Variants in SAG observed in about 807,000 individuals in gnomAD.
The protein encoded by SAG is S-antigen visual arrestin.
A neutral mutation model predicts 55.0 loss-of-function variants in SAG; 45 were observed. That is an observed-to-expected ratio of 0.82 (90% CI 0.64 to 1.05). SAG has a LOEUF of 1.05. Among genes scored for constraint, SAG ranks in the 50% least tolerant of loss-of-function variants. The pLI, the probability that SAG is intolerant of heterozygous loss-of-function variation, is 0.00. For synonymous variants in SAG, 189 were observed against 197.4 expected, an observed-to-expected ratio of 0.96 and a Z score of 0.36; for missense variants, 455 against 512.1, an observed-to-expected ratio of 0.89 and a Z score of 1.08.
chr2:233,343,802 G>C (rs949822175), intron 14 of SAG: 2 of 1,000,514 alleles, frequency 2.0e-6, no homozygotes, highest in Non-Finnish European at 2.4e-6. Context: ...AAACAAGCAG[G>C]GTTTATTTTT....
Position 233,340,673 on chromosome 2 carries a change from G to T in SAG, c.1046+195G>T, listed in dbSNP as rs577402331. On this transcript the variant is annotated intron_variant, in intron 13 of 15. Transcript: ENST00000409110. This position sits in a 1 kb window ranked among gnomAD's most constrained non-coding sequence, Gnocchi z 4.2. ...GTTTCTTTGGGACCAGATTTCTTTGGGACCACAGCTAGACCTATGCCTGGG... is the reference window on the plus strand; with the variant it reads ...GTTTCTTTGGGACCAGATTTCTTTGTGACCACAGCTAGACCTATGCCTGGG... Among the ~76,000 whole-genome samples the T allele has an allele frequency of 3.7e-4, 56 of 152,100 alleles. No individual in the cohort carries two copies. Among genetic ancestry groups the T allele is most frequent in the African/African-American group, 1.3e-3 (55 of 41,474 alleles).
chr2:233,315,174 C>T (rs567572207), intron 2 of SAG, among the ~76,000 whole-genome samples: 8 of 152,190 alleles, frequency 5.3e-5, no homozygotes, highest in African/African-American at 1.9e-4. Context: ...CCCCTTCCCA[C>T]CCAGCTCCCT....
intron 6 of SAG, among the ~76,000 whole-genome samples, chr2:233,326,731 TGA>T (rs1700570615): frequency 6.6e-6 from 1 of 152,154 alleles, no homozygotes; most frequent in African/African-American, 2.4e-5. Context: ...GCTGGCCCTG[TGA>T]GTGCCTGTAC....
intron 2 of SAG, among the ~76,000 whole-genome samples, chr2:233,313,819 CT>C (rs555339562): frequency 6.7e-6 from 1 of 148,670 alleles, no homozygotes; most frequent in South Asian, 2.1e-4. Context: ...TCCTTCCCAC[CT>C]TGGTCTCTCA....
intron 2 of SAG, among the ~76,000 whole-genome samples, chr2:233,312,973 G>A (rs1438681109): frequency 1.3e-5 from 2 of 152,186 alleles, no homozygotes; most frequent in South Asian, 2.1e-4. Flanking sequence ...TGTCTTCTTC[G>A]GTTTTTATTT....
intron 13 of SAG, among the ~76,000 whole-genome samples, chr2:233,341,997 AT>A (rs1701118709): frequency 6.6e-6 from 1 of 151,882 alleles, no homozygotes; most frequent in East Asian, 1.9e-4. Context: ...GGTGGCATGC[AT>A]TTGTAGTCCC....
At chr2:233,314,397 C>T (rs557370416) in intron 2 of SAG, among the ~76,000 whole-genome samples, 3 of 152,140 alleles carry the variant, frequency 2.0e-5, no homozygotes, top group South Asian at 2.1e-4. Flanking sequence ...CTGTGCCAGC[C>T]GCAGGCCCAG....
chr2:233,316,053 C>G, intron 2 of SAG, 22 bp from the exon 3 acceptor site: 1 of 1,516,930 alleles, frequency 6.6e-7, no homozygotes, highest in Non-Finnish European at 9.1e-7. Flanking sequence ...GGCCCTTAGA[C>G]CCACACCTGT....
intron 14 of SAG, chr2:233,344,519 G>C (rs1226219920): frequency 6.6e-6 from 1 of 152,114 alleles, no homozygotes; most frequent in Non-Finnish European, 1.5e-5. Context: ...TCACGTTCCA[G>C]TCATTATGGC....
chr2:233,342,686 G>A (rs1025314968), intron 14 of SAG: 3 of 205,462 alleles, frequency 1.5e-5, no homozygotes, highest in Admixed American at 1.1e-4. Flanking sequence ...TAGAGCACGA[G>A]GATTTTGCAT....
chr2:233,328,708 G>T, intron 8 of SAG, 95 bp downstream of exon 8: 1 of 1,342,590 alleles, frequency 7.4e-7, no homozygotes, highest in Non-Finnish European at 1.0e-6. Context: ...TAACTACATG[G>T]GTGCCTTGCA....
At chr2:233,323,857 C>T (rs1185518657) in intron 6 of SAG, among the ~76,000 whole-genome samples, 2 of 152,080 alleles carry the variant, frequency 1.3e-5, no homozygotes, top group Non-Finnish European at 2.9e-5. Flanking sequence ...ACCAGGTAAA[C>T]CCAAATAACA....
intron 4 of SAG, 129 bp downstream of exon 4, chr2:233,318,924 C>T (rs1182139425): frequency 2.4e-6 from 2 of 827,600 alleles, no homozygotes. Context: ...GCACATGGAA[C>T]CAGTGCCAGG....
chr2:233,323,912 C>T (rs1700465365), intron 6 of SAG, among the ~76,000 whole-genome samples: 1 of 152,050 alleles, frequency 6.6e-6, no homozygotes, highest in Admixed American at 6.6e-5. Flanking sequence ...CTGTGGAGAA[C>T]AAGAGGCTTG....
Position 233,319,480 on chromosome 2 carries a change from G to A in SAG, c.181+685G>A, listed in dbSNP as rs1700315608. On this transcript the variant is annotated intron_variant, in intron 4 of 15. Coordinates refer to ENST00000409110, the MANE Select transcript of SAG (RefSeq NM_000541.5). This position sits in a 1 kb window ranked among gnomAD's most constrained non-coding sequence, Gnocchi z 4.4. ...TCCTTGTGATAATGTCACTGACTCAGTTCCATTCTAAATATGCCTTTTTGA... is the reference window on the plus strand; with the variant it reads ...TCCTTGTGATAATGTCACTGACTCAATTCCATTCTAAATATGCCTTTTTGA... The A allele has an allele frequency of 1.6e-6, 1 of 612,478 alleles. No homozygotes were observed. The highest frequency in any genetic ancestry group is 2.0e-5 in the African/African-American group (1 of 49,164). The allele number at this position is 612,478 out of a possible 1,614,324, so 37.9% of individuals were successfully genotyped here.
intron 6 of SAG, among the ~76,000 whole-genome samples, chr2:233,324,357 A>T (rs1700479911): frequency 6.6e-6 from 1 of 152,222 alleles, no homozygotes; most frequent in South Asian, 2.1e-4. Flanking sequence ...ATGCCACTGC[A>T]CTGCGCTCTA....
chr2:233,312,423 A>G (rs991549137), intron 2 of SAG, among the ~76,000 whole-genome samples: 1 of 152,136 alleles, frequency 6.6e-6, no homozygotes, highest in African/African-American at 2.4e-5. Context: ...TTCCTGTCTC[A>G]TTGAGTTGCT....
At chr2:233,322,185 C>CA (rs35197599) in intron 5 of SAG, among the ~76,000 whole-genome samples, 4,251 of 64,552 alleles carry the variant, frequency 0.066, 312 homozygotes, top group African/African-American at 0.16. Context: ...GACTCTGTCT[C>CA]AAAAAAAAAA....
intron 11 of SAG, among the ~76,000 whole-genome samples, chr2:233,335,464 G>C (rs375049804): frequency 6.6e-6 from 1 of 152,234 alleles, no homozygotes; most frequent in Non-Finnish European, 1.5e-5. Flanking sequence ...CATGTGAAGC[G>C]TGGGGCCTGA....
Sources: allele counts gnomAD v4.1 joint callset (sites outside exome capture counted in the v4.1 genomes callset), GRCh38; gene constraint gnomAD v4.1.1; non-coding constraint Gnocchi (gnomAD v3.1); transcripts MANE v1.5; gene names NCBI Gene and HGNC (gene_info 2026-07-23, HGNC 2026-07-21).